The following FAM76A variants were observed in gnomAD, a reference collection of about 807,000 sequenced individuals.
FAM76A encodes family with sequence similarity 76 member A.
A neutral mutation model predicts 46.2 loss-of-function variants in FAM76A; 32 were observed. That is an observed-to-expected ratio of 0.69 (90% confidence interval 0.52 to 0.93). The LOEUF is 0.93. Ranked by LOEUF, FAM76A falls within the 40% of genes least tolerant of loss-of-function variation. The pLI, the probability that FAM76A is intolerant of heterozygous loss-of-function variation, is 0.00. For synonymous variants in FAM76A, 137 were observed against 127.0 expected (o/e 1.08, Z -0.53); for missense variants, 274 against 361.5 (o/e 0.76, Z 1.96).
intron 4 of FAM76A, among the ~76,000 whole-genome samples, chr1:27,744,006 T>C (rs951038968): frequency 2.6e-5 from 4 of 152,154 alleles, no homozygotes; most frequent in Non-Finnish European, 5.9e-5. Context: ...CTCTTCTCCC[T>C]GCTGAGTTTT....
rs184076624 is a variant in FAM76A at position 27,755,478 on chromosome 1, A to G, written c.735+148A>G. ...CTGGGGAGAGGCTGGCTGTCTGCCA[A>G]GATGACTTTTGGGATGGCATTACTC... On this transcript the variant is annotated intron_variant, in intron 7 of 8. Transcript: ENST00000373954. 1.3e-3 allele frequency: 1,382 copies of G among 1,080,738 alleles called. 2 individuals are homozygous for G. The highest frequency in any genetic ancestry group is 3.1e-3 in the Admixed American group (150 of 47,974). 66.9% of individuals were successfully genotyped at this position (1,080,738 alleles called of 1,614,324 possible). A position where few individuals can be genotyped will look rare whatever the true frequency, so the allele number is the denominator to read the frequency against.
intron 4 of FAM76A, among the ~76,000 whole-genome samples, chr1:27,737,881 A>AC (rs1483842498): frequency 1.3e-5 from 2 of 150,092 alleles, no homozygotes; most frequent in Non-Finnish European, 3.0e-5. Context: ...AAAAAAAAAA[A>AC]AAAAAAAAAA....
chr1:27,747,203 G>A (rs756869031), intron 5 of FAM76A, among the ~76,000 whole-genome samples: 1 of 152,174 alleles, frequency 6.6e-6, no homozygotes, highest in Non-Finnish European at 1.5e-5. Context: ...TTCTAATGCA[G>A]GTGATATAGT....
rs2087849023 is a variant in FAM76A, at chr1:27,725,963, C to G, written c.-118C>G. On this transcript the variant is annotated 5_prime_UTR_variant, in exon 1 of 9. Coordinates refer to ENST00000373954, the MANE Select transcript of FAM76A (RefSeq NM_152660.3). Reference sequence around the variant, plus strand: ...CCCGCCCGGGTCCGCCCCGACCCGCCTGCGCCCGCCCGCCTGCCGCAGCCA... The same window carrying G: ...CCCGCCCGGGTCCGCCCCGACCCGCGTGCGCCCGCCCGCCTGCCGCAGCCA... The G allele has an allele frequency of 6.8e-6, 5 of 734,438 alleles. No individual in the cohort carries two copies. The highest frequency in any genetic ancestry group is 9.2e-6 in the Non-Finnish European group (5 of 542,228). The allele number at this position is 734,438 out of a possible 1,614,324, so 45.5% of individuals were successfully genotyped here.
chr1:27,734,880 T>G (rs1377475323), intron 4 of FAM76A, among the ~76,000 whole-genome samples: 2 of 152,260 alleles, frequency 1.3e-5, no homozygotes, highest in East Asian at 3.8e-4. Context: ...ATTACAAGAT[T>G]ACATTAGAGG....
chr1:27,744,112 AATTT>A (rs1397583600), intron 4 of FAM76A, among the ~76,000 whole-genome samples: 3 of 151,900 alleles, frequency 2.0e-5, no homozygotes, highest in Admixed American at 1.3e-4. Flanking sequence ...TAGCAGCTGA[AATTT>A]ATTTATTTAA....
At chr1:27,740,310 A>T in intron 4 of FAM76A, 1 of 858,712 alleles carries the variant, frequency 1.2e-6, no homozygotes, top group Non-Finnish European at 2.0e-6. Flanking sequence ...CAAACCAGGA[A>T]CTACAGTTGA....
intron 5 of FAM76A, among the ~76,000 whole-genome samples, chr1:27,747,327 T>C (rs1463586523): frequency 1.3e-5 from 2 of 152,120 alleles, no homozygotes; most frequent in Non-Finnish European, 2.9e-5. Flanking sequence ...TATTTAAGTT[T>C]TAGGAACTAA....
At chr1:27,749,208 T>A in intron 6 of FAM76A, 54 bp downstream of exon 6, 1 of 1,234,872 alleles carries the variant, frequency 8.1e-7, no homozygotes, top group Non-Finnish European at 1.1e-6. Flanking sequence ...ACACAGTTCC[T>A]GAAACAGGAA....
intron 7 of FAM76A, among the ~76,000 whole-genome samples, chr1:27,756,142 T>A (rs1352731456): frequency 6.6e-6 from 1 of 152,144 alleles, no homozygotes; most frequent in Non-Finnish European, 1.5e-5. Context: ...TGTGGGACAA[T>A]AATACTCAAA....
chr1:27,728,709 C>A (rs962385996), intron 2 of FAM76A, among the ~76,000 whole-genome samples: 2 of 152,076 alleles, frequency 1.3e-5, no homozygotes, highest in African/African-American at 4.8e-5. Flanking sequence ...TGCCTGTAAA[C>A]CCAACACTTT....
At position 27,726,049 on chromosome 1, in the gene FAM76A, C is replaced by A. The variant is rs1368900435; in HGVS notation, c.-32C>A. The stretch of plus-strand genomic sequence containing the variant: ...TGTCAGATAAATCGGCGGGCCGGGC[C>A]GGCGGGTCGGTGAGCGCGGCCCGGG... On this transcript the variant is annotated 5_prime_UTR_variant, in exon 1 of 9. Coordinates refer to ENST00000373954, the MANE Select transcript of FAM76A (RefSeq NM_152660.3). 3 of 1,248,970 alleles carry A rather than the reference C, an allele frequency of 2.4e-6. No homozygotes were observed. Among genetic ancestry groups the A allele is most frequent in the Non-Finnish European group, 3.0e-6 (3 of 995,732 alleles). The allele number at this position is 1,248,970 out of a possible 1,614,324, so 77.4% of individuals were successfully genotyped here. A position where few individuals can be genotyped will look rare whatever the true frequency, so the allele number is the denominator to read the frequency against.
chr1:27,744,727 G>A lies in FAM76A; in HGVS notation c.428G>A (p.Arg143Lys), dbSNP rs767386979. ...KRVLQKTKEQ[R>K]KHLSSSSRAG... ...GTCCTTCAGAAGACCAAAGAGCAGA[G>A]GAAACACCTGAGTAGCTCTTCTCGT... Residue 143 changes from arginine (R) to lysine (K), a missense_variant, in exon 5 of 9, where the codon AGG becomes AAG. By Grantham distance (26) the Arg-to-Lys change is conservative (BLOSUM62 2). Coordinates refer to ENST00000373954, the MANE Select transcript of FAM76A (RefSeq NM_152660.3). 2 of 1,614,130 alleles carry A rather than the reference G, an allele frequency of 1.2e-6. No homozygotes were observed. The highest frequency in any genetic ancestry group is 1.7e-6 in the Non-Finnish European group (2 of 1,180,016).
intron 4 of FAM76A, among the ~76,000 whole-genome samples, chr1:27,742,782 G>A (rs10902668): frequency 0.12 from 18,605 of 152,082 alleles, 2,788 homozygotes; most frequent in African/African-American, 0.35. Flanking sequence ...ACAACTGGGC[G>A]AGGTGCAGTG....
chr1:27,757,398 G>A (rs2088428225), intron 7 of FAM76A, among the ~76,000 whole-genome samples: 1 of 151,788 alleles, frequency 6.6e-6, no homozygotes, highest in East Asian at 2.0e-4. Flanking sequence ...ACAGGGTCTT[G>A]CTCTGTCACC....
intron 5 of FAM76A, among the ~76,000 whole-genome samples, chr1:27,748,049 C>T (rs909245196): frequency 8.0e-5 from 12 of 150,674 alleles, no homozygotes; most frequent in Non-Finnish European, 1.6e-4. Flanking sequence ...TATTTCTGTA[C>T]AGTAGAAATA....
chr1:27,739,291 C>G, intron 4 of FAM76A: 3 of 525,320 alleles, frequency 5.7e-6, no homozygotes, highest in South Asian at 4.2e-5. Flanking sequence ...GAAGAAAAGC[C>G]TTATTGGAAA....
intron 2 of FAM76A, among the ~76,000 whole-genome samples, chr1:27,732,156 G>A (rs551747988): frequency 6.6e-6 from 1 of 152,318 alleles, no homozygotes; most frequent in Admixed American, 6.5e-5. Context: ...GAGGCTAGGT[G>A]TAGTGTCTCA....
intron 4 of FAM76A, among the ~76,000 whole-genome samples, chr1:27,734,413 G>C (rs2088011362): frequency 6.6e-6 from 1 of 152,108 alleles, no homozygotes; most frequent in Non-Finnish European, 1.5e-5. Context: ...CAGGCGTGGT[G>C]GCATGCGCCT....
Sources: gnomAD v4.1 joint callset for allele counts (sites outside exome capture counted in the v4.1 genomes callset) on GRCh38, gnomAD v4.1.1 for gene constraint, MANE v1.5 for transcripts, NCBI Gene and HGNC (gene_info 2026-07-23, HGNC 2026-07-21) for gene names.